Variants in DCAF17 observed in about 807,000 individuals in gnomAD.
The protein encoded by DCAF17 is DDB1 and CUL4 associated factor 17.
DCAF17 carries 48 observed loss-of-function variants against 66.0 expected under a neutral mutation model. The ratio of observed to expected loss-of-function variants is 0.73; its 90% CI spans 0.58 to 0.92. The LOEUF (loss-of-function observed/expected upper bound fraction) is 0.92, where lower values mean the gene tolerates loss of function less well. Ranked by LOEUF, DCAF17 falls within the 40% of genes least tolerant of loss-of-function variation. DCAF17 has a pLI of 0.00. For missense variants in DCAF17, 562 were observed against 622.8 expected, an observed-to-expected ratio of 0.90 and a Z score of 1.04; for synonymous variants, 206 against 214.6, an observed-to-expected ratio of 0.96 and a Z score of 0.35.
rs1466102408 is a variant in DCAF17, at chr2:171,483,090, A to G, written c.*1976A>G. ...TGTTAACAAGATAGATGGTAAAAAG[A>G]TGCCAGAAGATACAGAAGATAGCAA... On this transcript the variant is annotated 3_prime_UTR_variant, in exon 14 of 14. Transcript: ENST00000375255. The G allele has an allele frequency of 2.2e-6, 1 of 454,012 alleles. No homozygotes were observed. Among genetic ancestry groups the G allele is most frequent in the East Asian group, 6.9e-5 (1 of 14,416 alleles). The allele number at this position is 454,012 out of a possible 1,614,324, so 28.1% of individuals were successfully genotyped here.
At chr2:171,450,445 A>C (rs1427504849) in intron 5 of DCAF17, among the ~76,000 whole-genome samples, 2 of 151,862 alleles carry the variant, frequency 1.3e-5, no homozygotes, top group Non-Finnish European at 2.9e-5. Flanking sequence ...TTTTTTCTGA[A>C]GCGTGCTATT....
At position 171,480,981 on chromosome 2, in the gene DCAF17, G is replaced by A. The variant is rs1265965983; in HGVS notation, c.1430G>A (p.Ser477Asn). ...PLVESWDVTY[S>N]HEVYFDRDLV... ...GATTGTGTTTTGTTACAGACATATA[G>A]CCATGAAGTCTACTTTGACAGAGAC... Residue 477 changes from serine to asparagine, a missense_variant, in exon 14 of 14, where the codon AGC becomes AAC. Ser to Asn is a conservative substitution (Grantham distance 46). This residue lies in a region of DCAF17 where 201 missense variants were observed against 231.1 expected (regional missense o/e 0.87). Coordinates refer to ENST00000375255, the MANE Select transcript of DCAF17 (RefSeq NM_025000.4). 3.1e-6 allele frequency: 5 copies of A among 1,613,568 alleles called. No individual in the cohort carries two copies. The highest frequency in any genetic ancestry group is 2.2e-5 in the East Asian group (1 of 44,876).
In DCAF17 at chr2:171,463,224, T is replaced by TA. The variant is rs945893879; in HGVS notation, c.838+4763dup. ...CAGCCTGGGCGATGGAGCGAGATTTTAAAAAAAAAAAAAAAACAGAAAGAA... is the reference window on the plus strand; with the variant it reads ...CAGCCTGGGCGATGGAGCGAGATTTTAAAAAAAAAAAAAAAAACAGAAAGAA... On this transcript the variant is annotated intron_variant, in intron 8 of 13. Coordinates refer to ENST00000375255, the MANE Select transcript of DCAF17 (RefSeq NM_025000.4). 2.2e-3 allele frequency among the ~76,000 whole-genome samples: 298 copies of TA among 137,668 alleles called. 2 individuals are homozygous for TA. Among genetic ancestry groups the TA allele is most frequent in the Admixed American group, 2.6e-3 (35 of 13,706 alleles). The allele number at this position is 137,668 out of a possible 152,430, so 90.3% of individuals were successfully genotyped here. A position where few individuals can be genotyped will look rare whatever the true frequency, so the allele number is the denominator to read the frequency against.
In DCAF17 at chr2:171,481,302, T is replaced by A. The variant is rs142315519; in HGVS notation, c.*188T>A. ...AAGATGGTGAGGACTTCATTTTTTT[T>A]AAAGGTTTTTTAGAATACTGTTCCA... On this transcript the variant is annotated 3_prime_UTR_variant, in exon 14 of 14. Transcript: ENST00000375255. 16,113 of 737,862 alleles carry A rather than the reference T, an allele frequency of 0.022. 269 individuals carry two copies. The highest frequency in any genetic ancestry group is 0.028 in the Non-Finnish European group (11,841 of 426,730). 45.7% of individuals were successfully genotyped at this position (737,862 alleles called of 1,614,324 possible). A position where few individuals can be genotyped will look rare whatever the true frequency, so the allele number is the denominator to read the frequency against.
chr2:171,434,888 G>A (rs1693743543), intron 1 of DCAF17, 185 bp downstream of exon 1: 2 of 1,083,946 alleles, frequency 1.8e-6, no homozygotes, highest in African/African-American at 1.6e-5. Flanking sequence ...TTAGTTTTAC[G>A]CTTCTTATGT....
At chr2:171,449,485 C>G (rs1694824270) in intron 4 of DCAF17, among the ~76,000 whole-genome samples, 2 of 152,096 alleles carry the variant, frequency 1.3e-5, no homozygotes, top group Non-Finnish European at 2.9e-5. Context: ...AATCCAAGAA[C>G]TGTTATTTTA....
At chr2:171,449,683 G>C (rs569143715) in intron 4 of DCAF17, among the ~76,000 whole-genome samples, 196 bp from the exon 5 acceptor site, 9 of 152,090 alleles carry the variant, frequency 5.9e-5, no homozygotes, top group Non-Finnish European at 1.3e-4. Flanking sequence ...TTAAAATTAT[G>C]TATGTATTTA....
chr2:171,480,030 T>G lies in DCAF17; in HGVS notation c.1267-8T>G. ...CCTTTCCCTCTATTTTATCTATCTA[T>G]CCCAAAGACTTTCAAAATTGTGGAC... is the stretch of plus-strand genomic sequence containing the variant. On this transcript the variant is annotated splice_region_variant and splice_polypyrimidine_tract_variant and intron_variant, in intron 12 of 13. Coordinates refer to ENST00000375255, the MANE Select transcript of DCAF17 (RefSeq NM_025000.4). 6.2e-7 allele frequency: 1 copy of G among 1,613,032 alleles called. No individual in the cohort carries two copies. The highest frequency in any genetic ancestry group is 8.5e-7 in the Non-Finnish European group (1 of 1,179,502).
chr2:171,462,838 C>T (rs1400490438), intron 8 of DCAF17, among the ~76,000 whole-genome samples: 5 of 152,024 alleles, frequency 3.3e-5, no homozygotes, highest in African/African-American at 1.2e-4. Flanking sequence ...TCATCGTATA[C>T]AAAAGATTGG....
intron 2 of DCAF17, among the ~76,000 whole-genome samples, chr2:171,436,633 AT>A (rs79275087): frequency 0.31 from 45,129 of 144,420 alleles, 6,719 homozygotes; most frequent in South Asian, 0.37. Flanking sequence ...CCACTTGTAA[AT>A]TTTTTTTTTT....
chr2:171,453,086 T>A lies in DCAF17; in HGVS notation c.538-38T>A, dbSNP rs756388098. The stretch of plus-strand genomic sequence containing the variant: ...TGAAAACAGTGTGTTTCTGAAGTAC[T>A]TTTGAGAGCTGCGTGTAATTGTAGT... On this transcript the variant is annotated intron_variant, in intron 5 of 13. Transcript: ENST00000375255. 2.0e-6 allele frequency: 3 copies of A among 1,466,086 alleles called. No homozygotes were observed. In the South Asian group the frequency reaches 3.7e-5, roughly 18 times the overall value. The allele number at this position is 1,466,086 out of a possible 1,614,324, so 90.8% of individuals were successfully genotyped here.
chr2:171,482,656 G>A lies in DCAF17; in HGVS notation c.*1542G>A. The A allele has an allele frequency of 2.2e-6, 1 of 453,980 alleles. No homozygotes were observed. Among genetic ancestry groups the A allele is most frequent in the Non-Finnish European group, 4.4e-6 (1 of 226,778 alleles). The allele number at this position is 453,980 out of a possible 1,614,324, so 28.1% of individuals were successfully genotyped here. ...CAGAATAGGATGTCTTAAGACTTCA[G>A]TCATGTCAGAGATTTTTTTTTTTAG... On this transcript the variant is annotated 3_prime_UTR_variant, in exon 14 of 14. Coordinates refer to ENST00000375255, the MANE Select transcript of DCAF17 (RefSeq NM_025000.4).
rs114519296 is a variant in DCAF17 at position 171,482,955 on chromosome 2, G to C, written c.*1841G>C. On this transcript the variant is annotated 3_prime_UTR_variant, in exon 14 of 14. Transcript: ENST00000375255. The stretch of plus-strand genomic sequence containing the variant: ...TACCTCATGTGAAAGACAGTAAGGA[G>C]TTGTGGGCAGTGTAACAAACAGGAG... 2.2e-6 allele frequency: 1 copy of C among 454,098 alleles called. No individual in the cohort carries two copies. The allele number at this position is 454,098 out of a possible 1,614,324, so 28.1% of individuals were successfully genotyped here.
At position 171,458,260 on chromosome 2, in the gene DCAF17, A is replaced by G. The variant is rs1695375142; in HGVS notation, c.733-112A>G. The G allele has an allele frequency of 2.1e-5, 23 of 1,093,932 alleles. No homozygotes were observed. The South Asian group carries it at 2.8e-4, about 13-fold the overall frequency. The allele number at this position is 1,093,932 out of a possible 1,614,324, so 67.8% of individuals were successfully genotyped here. On this transcript the variant is annotated intron_variant, in intron 7 of 13. Coordinates refer to ENST00000375255, the MANE Select transcript of DCAF17 (RefSeq NM_025000.4). ...GGTGGGGAAGATAAACAGAAAGGCCATTGGAAAAAGACATTTTCTTTGTCA... is the reference window on the plus strand; with the variant it reads ...GGTGGGGAAGATAAACAGAAAGGCCGTTGGAAAAAGACATTTTCTTTGTCA...
chr2:171,443,005 T>C (rs1287523722), intron 2 of DCAF17: 1 of 152,688 alleles, frequency 6.5e-6, no homozygotes, highest in African/African-American at 2.4e-5. Flanking sequence ...ATAAATTTAC[T>C]CAACCTTTCT....
At position 171,458,434 on chromosome 2, in the gene DCAF17, A is replaced by G; in HGVS notation, c.795A>G (p.Val265=). 1 of 1,614,068 alleles carries G rather than the reference A, an allele frequency of 6.2e-7. No individual in the cohort carries two copies. Residue 265 remains valine, a synonymous_variant, in exon 8 of 14, where the codon GTA becomes GTG. Transcript: ENST00000375255. ...ACRWGGTTGT[V]GEAPFGIPCN... is the part of the protein sequence containing the mutation. Reference sequence around the variant, plus strand: ...GATGGGGTGGGACTACTGGAACTGTAGGAGAGGCTCCTTTTGGCATTCCTT... The same window carrying G: ...GATGGGGTGGGACTACTGGAACTGTGGGAGAGGCTCCTTTTGGCATTCCTT...
At chr2:171,466,245 T>A (rs1333014606) in intron 8 of DCAF17, among the ~76,000 whole-genome samples, 2 of 152,162 alleles carry the variant, frequency 1.3e-5, no homozygotes, top group Non-Finnish European at 2.9e-5. Context: ...CTAGAAAAAA[T>A]CATATTGTAT....
At chr2:171,456,487 C>G (rs1695268702) in intron 6 of DCAF17, among the ~76,000 whole-genome samples, 1 of 152,170 alleles carries the variant, frequency 6.6e-6, no homozygotes, top group African/African-American at 2.4e-5. Flanking sequence ...AATTCAGCCT[C>G]TGTTTTGGTT....
chr2:171,461,274 G>A (rs1453894452), intron 8 of DCAF17, among the ~76,000 whole-genome samples: 5 of 151,822 alleles, frequency 3.3e-5, no homozygotes, highest in African/African-American at 7.3e-5. Flanking sequence ...GTGAAACCCC[G>A]TCTCTACCAA....
Sources: gnomAD v4.1 joint callset for allele counts (sites outside exome capture counted in the v4.1 genomes callset) on GRCh38, gnomAD v4.1.1 for gene constraint, gnomAD v4.1.1 regional missense constraint, MANE v1.5 for transcripts, NCBI Gene and HGNC (gene_info 2026-07-23, HGNC 2026-07-21) for gene names.